MCPH1: variants seen among roughly 807,000 people sequenced by gnomAD.
The protein encoded by MCPH1 is microcephalin.
Under a neutral mutation model 84.5 loss-of-function variants are expected in MCPH1, and 104 were observed. The ratio of observed to expected loss-of-function variants is 1.23; its 90% CI spans 1.05 to 1.45. The LOEUF (loss-of-function observed/expected upper bound fraction) is 1.45, where lower values mean the gene tolerates loss of function less well. MCPH1 is among the 40% of genes most tolerant of loss of function. MCPH1 has a pLI of 0.00. For missense variants in MCPH1, 1,498 were observed against 1,005.7 expected (o/e 1.49, Z -6.62); for synonymous variants, 514 against 366.8 (o/e 1.40, Z -4.58).
intron 12 of MCPH1, among the ~76,000 whole-genome samples, chr8:6,510,008 G>A (rs979302368): frequency 8.5e-5 from 13 of 152,246 alleles, no homozygotes; most frequent in South Asian, 6.2e-4. Flanking sequence ...TGCTGAATGC[G>A]TATCACCTTC....
chr8:6,576,736 T>TG (rs1351599635), intron 12 of MCPH1, among the ~76,000 whole-genome samples: 2 of 119,822 alleles, frequency 1.7e-5, no homozygotes, highest in East Asian at 2.7e-4. Context: ...TTAGTAGAGA[T>TG]GGGTTTTCAC....
At chr8:6,485,581 G>C (rs1474065698) in intron 11 of MCPH1, among the ~76,000 whole-genome samples, 1 of 150,244 alleles carries the variant, frequency 6.7e-6, no homozygotes, top group Non-Finnish European at 1.5e-5. Context: ...ATTGCTCTTT[G>C]CCCTCTGTGC....
chr8:6,527,107 T>C (rs1818479056), intron 12 of MCPH1, among the ~76,000 whole-genome samples: 1 of 152,224 alleles, frequency 6.6e-6, no homozygotes, highest in Non-Finnish European at 1.5e-5. Context: ...AAGTTAATAC[T>C]GAAATAAAAT....
intron 12 of MCPH1, among the ~76,000 whole-genome samples, chr8:6,600,250 C>T (rs1829252121): frequency 6.6e-6 from 1 of 152,224 alleles, no homozygotes; most frequent in Non-Finnish European, 1.5e-5. Context: ...TGTGCTACTT[C>T]TAATAGTGCT....
At chr8:6,419,549 C>G (rs1799858251) in intron 3 of MCPH1, among the ~76,000 whole-genome samples, 1 of 133,078 alleles carries the variant, frequency 7.5e-6, no homozygotes, top group African/African-American at 2.7e-5. Flanking sequence ...CCCACCACCA[C>G]ACCTGGCTAA....
intron 12 of MCPH1, among the ~76,000 whole-genome samples, chr8:6,513,375 C>T (rs1815569005): frequency 6.6e-6 from 1 of 150,720 alleles, no homozygotes; most frequent in South Asian, 2.1e-4. Context: ...CTCTGTCGCC[C>T]AGGTTGCAGT....
chr8:6,598,737 C>T (rs957040539), intron 12 of MCPH1, among the ~76,000 whole-genome samples: 15 of 152,242 alleles, frequency 9.9e-5, no homozygotes, highest in African/African-American at 3.6e-4. Context: ...CGCAGTGCGG[C>T]TCCCCCCTGC....
chr8:6,481,854 C>CT (rs1809284473), intron 11 of MCPH1, among the ~76,000 whole-genome samples: 4 of 152,200 alleles, frequency 2.6e-5, no homozygotes, highest in Admixed American at 2.6e-4. Context: ...TAGTGCCCCT[C>CT]TCATCCAGGG....
At chr8:6,631,677 A>G (rs1797171297) in intron 13 of MCPH1, among the ~76,000 whole-genome samples, 1 of 152,078 alleles carries the variant, frequency 6.6e-6, no homozygotes, top group African/African-American at 2.4e-5. Context: ...AACCCAGAAA[A>G]TAACAAGTGT....
In MCPH1 at chr8:6,409,342, C is replaced by G. The variant is rs766476013; in HGVS notation, c.86C>G (p.Thr29Arg). ...ACAGAAAATTATTCAAAGACATTTA[C>G]AACACAGCTTGTGGATATGGGGGCA... is the stretch of plus-strand genomic sequence containing the variant. The part of the protein sequence containing the change: ...NGTENYSKTF[T>R]TQLVDMGAKV... Residue 29 changes from threonine to arginine, a missense_variant, in exon 2 of 14, where the codon ACA becomes AGA. By Grantham distance (71) the Thr-to-Arg change is moderately conservative (BLOSUM62 -1). Coordinates refer to ENST00000344683, the MANE Select transcript of MCPH1 (RefSeq NM_024596.5). 9 of 1,613,742 alleles carry G rather than the reference C, an allele frequency of 5.6e-6. No individual in the cohort carries two copies. Among genetic ancestry groups the G allele is most frequent in the Admixed American group, 1.7e-5 (1 of 60,000 alleles).
chr8:6,636,973 T>G (rs191652439), intron 13 of MCPH1, among the ~76,000 whole-genome samples: 73 of 152,338 alleles, frequency 4.8e-4, no homozygotes, highest in Admixed American at 4.1e-3. Flanking sequence ...ATTCTTAGGA[T>G]GTCCTAGAGA....
intron 3 of MCPH1, among the ~76,000 whole-genome samples, chr8:6,424,106 C>A (rs553376338): frequency 2.7e-4 from 41 of 152,264 alleles, no homozygotes; most frequent in Non-Finnish European, 5.0e-4. Context: ...GAATCCCATT[C>A]TGTTGGGTTC....
At chr8:6,602,309 T>A (rs898740809) in intron 12 of MCPH1, among the ~76,000 whole-genome samples, 1 of 152,214 alleles carries the variant, frequency 6.6e-6, no homozygotes, top group African/African-American at 2.4e-5. Context: ...GGGACCGTCC[T>A]TGCATTCTGT....
intron 8 of MCPH1, among the ~76,000 whole-genome samples, chr8:6,449,661 A>G (rs1657679530): frequency 6.6e-6 from 1 of 151,872 alleles, no homozygotes; most frequent in Admixed American, 6.6e-5. Flanking sequence ...AAGAAATAGG[A>G]AATTCCCTTT....
rs549919840 is a variant in MCPH1 at position 6,553,177 on chromosome 8, G to C, written c.2214+53248G>C. Among the ~76,000 whole-genome samples, 3 of 152,278 alleles carry C rather than the reference G, an allele frequency of 2.0e-5. No individual in the cohort carries two copies. In the East Asian group the frequency reaches 5.8e-4, roughly 29 times the overall value. On this transcript the variant is annotated intron_variant, in intron 12 of 13. Transcript: ENST00000344683. ...CTGGTGCAGGATGTTGATCGTAGGG[G>C]AGGTGGCTGTGTGTGTGCCACGGAG...
intron 9 of MCPH1, among the ~76,000 whole-genome samples, chr8:6,459,235 G>C (rs1269635188): frequency 5.9e-5 from 9 of 152,084 alleles, no homozygotes; most frequent in Non-Finnish European, 2.9e-5. Context: ...TAGATTTCAA[G>C]ATAAACTGTG....
At chr8:6,625,874 G>C in intron 13 of MCPH1, 1 of 985,398 alleles carries the variant, frequency 1.0e-6, no homozygotes, top group South Asian at 4.7e-5. Context: ...TAAACTCACA[G>C]GGGGTGGAGA....
At chr8:6,631,515 C>T (rs1404449150) in intron 13 of MCPH1, among the ~76,000 whole-genome samples, 1 of 151,642 alleles carries the variant, frequency 6.6e-6, no homozygotes, top group South Asian at 2.1e-4. Flanking sequence ...CTTGAATAAA[C>T]ATTTCTTCAA....
Position 6,589,482 on chromosome 8 carries a change from T to TG in MCPH1, c.2215-31971dup, listed in dbSNP as rs1828271824. 2.0e-5 allele frequency among the ~76,000 whole-genome samples: 3 copies of TG among 152,312 alleles called. No homozygotes were observed. The South Asian group carries it at 6.2e-4, about 32-fold the overall frequency. ...CAGGCTTTCTGACATCAGCGTGCAT[T>TG]GCTCTGCATGTCACTTGGAGCACCG... On this transcript the variant is annotated intron_variant, in intron 12 of 13. Transcript: ENST00000344683.
Sources: allele counts gnomAD v4.1 joint callset (sites outside exome capture counted in the v4.1 genomes callset), GRCh38; gene constraint gnomAD v4.1.1; transcripts MANE v1.5; gene names NCBI Gene and HGNC (gene_info 2026-07-23, HGNC 2026-07-21).